Variants in EDAR observed in about 807,000 individuals in gnomAD.
The protein encoded by EDAR is tumor necrosis factor receptor superfamily member EDAR.
A neutral mutation model predicts 51.3 loss-of-function variants in EDAR; 38 were observed. That is an observed-to-expected ratio of 0.74 (90% confidence interval 0.57 to 0.97). The LOEUF (loss-of-function observed/expected upper bound fraction) is 0.97. EDAR is among the 50% of genes least tolerant of loss of function. EDAR has a pLI of 0.00. For missense variants in EDAR, 528 were observed against 595.0 expected (o/e 0.89, Z 1.17); for synonymous variants, 227 against 242.1 (o/e 0.94, Z 0.58).
intron 1 of EDAR, among the ~76,000 whole-genome samples, chr2:108,962,283 G>T (rs1185551621): frequency 6.6e-6 from 1 of 152,224 alleles, no homozygotes; most frequent in Non-Finnish European, 1.5e-5. Flanking sequence ...TTATGAAATA[G>T]GTAGGTTGTG....
At chr2:108,919,899 G>A (rs1454406987) in intron 5 of EDAR, among the ~76,000 whole-genome samples, 1 of 152,240 alleles carries the variant, frequency 6.6e-6, no homozygotes, top group Admixed American at 6.5e-5. Context: ...TGGAGCTTCA[G>A]GCCATCTCTG....
At chr2:108,962,875 GT>G (rs1366578036) in intron 1 of EDAR, among the ~76,000 whole-genome samples, 6 of 152,094 alleles carry the variant, frequency 3.9e-5, no homozygotes, top group African/African-American at 1.2e-4. Context: ...CTCTTCAATG[GT>G]TTTGTCAAAG....
intron 1 of EDAR, among the ~76,000 whole-genome samples, chr2:108,956,936 C>G (rs1039535988): frequency 1.3e-5 from 2 of 152,102 alleles, no homozygotes; most frequent in African/African-American, 4.8e-5. Flanking sequence ...TTACAGGCAC[C>G]TACCACCACG....
At chr2:108,931,521 A>T (rs1697365668) in intron 1 of EDAR, among the ~76,000 whole-genome samples, 1 of 152,196 alleles carries the variant, frequency 6.6e-6, no homozygotes, top group Non-Finnish European at 1.5e-5. Context: ...CAGGTTGTCC[A>T]TCAAAGTGGA....
chr2:108,938,188 T>C (rs1697513098), intron 1 of EDAR, among the ~76,000 whole-genome samples: 1 of 152,210 alleles, frequency 6.6e-6, no homozygotes, highest in Admixed American at 6.5e-5. Flanking sequence ...ACATCTCATC[T>C]TTCTATTTGA....
At chr2:108,958,728 C>T (rs1236467781) in intron 1 of EDAR, among the ~76,000 whole-genome samples, 1 of 152,192 alleles carries the variant, frequency 6.6e-6, no homozygotes, top group Non-Finnish European at 1.5e-5. Flanking sequence ...GATATCTGGC[C>T]CAGGAGACCT....
chr2:108,968,422 G>A (rs1166908659), intron 1 of EDAR, among the ~76,000 whole-genome samples: 2 of 152,300 alleles, frequency 1.3e-5, no homozygotes, highest in East Asian at 1.9e-4. Context: ...AACCAGGGAT[G>A]TAGCATTTTC....
chr2:108,981,064 T>A lies in EDAR; in HGVS notation c.-19+7896A>T, dbSNP rs184907969. On this transcript the variant is annotated intron_variant, in intron 1 of 11. Coordinates refer to ENST00000258443, the MANE Select transcript of EDAR (RefSeq NM_022336.4). ...TACAGAGCATGAGCAGGACTTCCAA[T>A]GTGCTCACGGCCCGCTCTAAGCACT... is the stretch of plus-strand genomic sequence containing the variant. Among the ~76,000 whole-genome samples, 20 of 152,304 alleles carry A rather than the reference T, an allele frequency of 1.3e-4. 1 individual carries two copies. The highest frequency in any genetic ancestry group is 1.2e-3 in the Admixed American group (19 of 15,302).
chr2:108,958,737 CTA>C (rs1226461083), intron 1 of EDAR, among the ~76,000 whole-genome samples: 1 of 152,220 alleles, frequency 6.6e-6, no homozygotes, highest in Non-Finnish European at 1.5e-5. Context: ...CCCAGGAGAC[CTA>C]AAGCTCAAGC....
intron 5 of EDAR, among the ~76,000 whole-genome samples, chr2:108,919,125 G>A (rs928315141): frequency 1.3e-5 from 2 of 152,164 alleles, no homozygotes; most frequent in East Asian, 1.9e-4. Context: ...ACTGAGCGCC[G>A]GTGTCTGGGA....
chr2:108,985,433 G>T (rs993737353), intron 1 of EDAR, among the ~76,000 whole-genome samples: 1 of 152,256 alleles, frequency 6.6e-6, no homozygotes, highest in Non-Finnish European at 1.5e-5. Flanking sequence ...GGTGCAGGCA[G>T]GGCTACCGCC....
At position 108,981,398 on chromosome 2, in the gene EDAR, C is replaced by T. The variant is rs534336974; in HGVS notation, c.-19+7562G>A. 3.9e-5 allele frequency among the ~76,000 whole-genome samples: 6 copies of T among 152,284 alleles called. No homozygotes were observed. In the East Asian group the frequency reaches 5.8e-4, roughly 15 times the overall value. On this transcript the variant is annotated intron_variant, in intron 1 of 11. Transcript: ENST00000258443. ...GGCTCCTGAGGTTGAAGTTGTCTGG[C>T]GCGTCTTAGGTCTGGTATGACTGCT...
chr2:108,953,557 G>A (rs992309236), intron 1 of EDAR, among the ~76,000 whole-genome samples: 9 of 152,060 alleles, frequency 5.9e-5, no homozygotes, highest in African/African-American at 2.2e-4. Flanking sequence ...TCCAATACCT[G>A]ATGACAGTTG....
chr2:108,899,843 T>A (rs1026686050), intron 11 of EDAR, among the ~76,000 whole-genome samples: 2 of 151,764 alleles, frequency 1.3e-5, no homozygotes, highest in Non-Finnish European at 1.5e-5. Context: ...AAAAACACAT[T>A]GGCGTGGTAG....
At chr2:108,917,646 A>C (rs72937942) in intron 5 of EDAR, among the ~76,000 whole-genome samples, 3 of 151,920 alleles carry the variant, frequency 2.0e-5, no homozygotes, top group African/African-American at 4.8e-5. Context: ...CTAAGACTAG[A>C]GGGGGGTCAA....
chr2:108,934,749 C>T (rs1299970564), intron 1 of EDAR, among the ~76,000 whole-genome samples: 2 of 152,222 alleles, frequency 1.3e-5, no homozygotes, highest in Non-Finnish European at 2.9e-5. Context: ...GCGATGATGA[C>T]ATTAAGTCAT....
chr2:108,928,883 C>A (rs555111558), intron 4 of EDAR, among the ~76,000 whole-genome samples: 1 of 152,302 alleles, frequency 6.6e-6, no homozygotes, highest in East Asian at 1.9e-4. Context: ...TTCTTTTTCC[C>A]AAAGTGTTTC....
intron 1 of EDAR, among the ~76,000 whole-genome samples, chr2:108,957,277 G>T (rs1697944097): frequency 6.6e-6 from 1 of 152,218 alleles, no homozygotes; most frequent in African/African-American, 2.4e-5. Flanking sequence ...TGAGACAGAT[G>T]AAAGCCTGGA....
chr2:108,902,593 C>A (rs1185595209), intron 11 of EDAR, among the ~76,000 whole-genome samples: 1 of 152,080 alleles, frequency 6.6e-6, no homozygotes, highest in Non-Finnish European at 1.5e-5. Flanking sequence ...AAACCACAAA[C>A]CAAAGACCAA....
Sources: allele counts gnomAD v4.1 joint callset (sites outside exome capture counted in the v4.1 genomes callset), GRCh38; gene constraint gnomAD v4.1.1; transcripts MANE v1.5; gene names NCBI Gene and HGNC (gene_info 2026-07-23, HGNC 2026-07-21).